RABGAP1L: variants seen among roughly 807,000 people sequenced by gnomAD.
The protein encoded by RABGAP1L is RAB GTPase activating protein 1 like.
Under a neutral mutation model 137.7 loss-of-function variants are expected in RABGAP1L, and 63 were observed. The ratio of observed to expected loss-of-function variants is 0.46; its 90% CI spans 0.37 to 0.56. The LOEUF is 0.56. Ranked by LOEUF, RABGAP1L falls within the 20% of genes least tolerant of loss-of-function variation. RABGAP1L has a pLI of 0.00. For missense variants in RABGAP1L, 1,095 were observed against 1,244.0 expected, an observed-to-expected ratio of 0.88 and a Z score of 1.80; for synonymous variants, 431 against 433.7, an observed-to-expected ratio of 0.99 and a Z score of 0.08.
rs1484152878 is a variant in RABGAP1L at position 174,463,205 on chromosome 1, G to A, written c.1710+69060G>A. Among the ~76,000 whole-genome samples, 49 of 152,036 alleles carry A rather than the reference G, an allele frequency of 3.2e-4. No homozygotes were observed. The South Asian group carries it at 5.2e-3, about 16-fold the overall frequency. ...ATAAATCATGCTGCTATAAAGACAC[G>A]TGCACACGTATGTTTATTGCGGCAC... On this transcript the variant is annotated intron_variant, in intron 13 of 25. Transcript: ENST00000681986.
chr1:174,731,736 C>G (rs1682494428), intron 17 of RABGAP1L, among the ~76,000 whole-genome samples: 1 of 152,188 alleles, frequency 6.6e-6, no homozygotes, highest in Admixed American at 6.5e-5. Context: ...TAGGCATATT[C>G]TGTAAATGCT....
At chr1:174,533,126 C>T (rs56391203) in intron 13 of RABGAP1L, among the ~76,000 whole-genome samples, 3,411 of 152,172 alleles carry the variant, frequency 0.022, 59 homozygotes, top group Middle Eastern at 0.088. Context: ...CCCACCTAGT[C>T]GGGAGACTGA....
chr1:174,616,659 C>G (rs79010548), intron 13 of RABGAP1L, among the ~76,000 whole-genome samples: 3,435 of 152,234 alleles, frequency 0.023, 61 homozygotes, highest in Middle Eastern at 0.085. Context: ...ATTTGTATGT[C>G]AGCTTAGTGA....
chr1:174,214,341 C>T (rs898574269), intron 1 of RABGAP1L, among the ~76,000 whole-genome samples: 6 of 152,066 alleles, frequency 3.9e-5, no homozygotes, highest in Admixed American at 6.6e-5. Flanking sequence ...TCAGAGAAGA[C>T]ACAACATTGG....
In RABGAP1L at chr1:174,993,491, A is replaced by G. The variant is rs1672187635; in HGVS notation, c.*3490A>G. On this transcript the variant is annotated 3_prime_UTR_variant, in exon 26 of 26. Transcript: ENST00000681986. ...TTTCCAGTTAATAACTAGTTGCTTT[A>G]TTTCCTAGCTGAAGTGAGAAAACCA... is the stretch of plus-strand genomic sequence containing the variant. The G allele has an allele frequency of 6.6e-6, 1 of 152,166 alleles. No homozygotes were observed. The highest frequency in any genetic ancestry group is 2.4e-5 in the African/African-American group (1 of 41,430). 9.4% of individuals were successfully genotyped at this position (152,166 alleles called of 1,614,324 possible).
chr1:174,180,780 A>G (rs781176368), intron 1 of RABGAP1L, among the ~76,000 whole-genome samples: 69 of 152,272 alleles, frequency 4.5e-4, no homozygotes, highest in Non-Finnish European at 8.1e-4. Context: ...TTTTACTTTT[A>G]TTTTGTGAAA....
intron 13 of RABGAP1L, among the ~76,000 whole-genome samples, chr1:174,622,946 A>C (rs1014568049): frequency 1.3e-5 from 2 of 152,272 alleles, no homozygotes; most frequent in East Asian, 1.9e-4. Flanking sequence ...TTTTCTTTGA[A>C]GTTTCAGGTG....
intron 13 of RABGAP1L, among the ~76,000 whole-genome samples, chr1:174,486,677 T>A (rs752270389): frequency 1.7e-4 from 26 of 152,118 alleles, no homozygotes; most frequent in Non-Finnish European, 3.7e-4. Flanking sequence ...TCTTTTCTTC[T>A]AATTTTGAGT....
intron 14 of RABGAP1L, among the ~76,000 whole-genome samples, chr1:174,675,794 C>T (rs1180695686): frequency 6.6e-6 from 1 of 152,182 alleles, no homozygotes; most frequent in African/African-American, 2.4e-5. Context: ...TTAAAAGCCC[C>T]TGTAGCTCTC....
In RABGAP1L at chr1:174,990,127, TCTCA is replaced by T; in HGVS notation, c.*130_*133del. The T allele has an allele frequency of 8.4e-7, 1 of 1,184,436 alleles. No individual in the cohort carries two copies. The highest frequency in any genetic ancestry group is 2.8e-5 in the Admixed American group (1 of 35,834). 73.4% of individuals were successfully genotyped at this position (1,184,436 alleles called of 1,614,324 possible). ...AAACAAGCCAGAATTTTTCAGTAGC[TCTCA>T]CTCTTTCTTGTATGACACTTTTCAA... On this transcript the variant is annotated 3_prime_UTR_variant, in exon 26 of 26. Transcript: ENST00000681986.
chr1:174,778,661 C>A (rs1686722706), intron 18 of RABGAP1L, among the ~76,000 whole-genome samples: 1 of 151,962 alleles, frequency 6.6e-6, no homozygotes, highest in Non-Finnish European at 1.5e-5. Flanking sequence ...ATGGCGTGAT[C>A]TCAGCTCACT....
intron 18 of RABGAP1L, among the ~76,000 whole-genome samples, chr1:174,793,701 C>CT (rs369193289): frequency 6.7e-5 from 10 of 148,810 alleles, no homozygotes; most frequent in East Asian, 2.0e-4. Context: ...AAAATCAAGA[C>CT]TTTTTTTTTT....
intron 12 of RABGAP1L, among the ~76,000 whole-genome samples, chr1:174,383,510 C>G (rs1013296728): frequency 1.8e-4 from 27 of 152,156 alleles, no homozygotes; most frequent in East Asian, 5.8e-4. Context: ...TTTTTTAAGC[C>G]GGTCTGGAAA....
rs1676780163 is a variant in RABGAP1L at position 174,666,304 on chromosome 1, T to C, written c.1825-17218T>C. Among the ~76,000 whole-genome samples the C allele has an allele frequency of 3.9e-5, 6 of 152,230 alleles. No homozygotes were observed. In the South Asian group the frequency reaches 1.2e-3, roughly 31 times the overall value. ...GTTATAGATGAAACAGTTTGTCTAA[T>C]AAATGGCAAATTGCTATTACGTAAA... On this transcript the variant is annotated intron_variant, in intron 14 of 25. Transcript: ENST00000681986.
chr1:174,343,982 G>C (rs1422224465), intron 11 of RABGAP1L, among the ~76,000 whole-genome samples: 1 of 152,100 alleles, frequency 6.6e-6, no homozygotes, highest in African/African-American at 2.4e-5. Context: ...GTAGCTGCTG[G>C]CCATTTAGGC....
intron 18 of RABGAP1L, among the ~76,000 whole-genome samples, chr1:174,788,054 G>C (rs1350911303): frequency 1.3e-5 from 2 of 152,210 alleles, no homozygotes; most frequent in Non-Finnish European, 2.9e-5. Context: ...AAGCTTACTA[G>C]ACCTTACATG....
At chr1:174,674,534 GCC>G (rs1404460296) in intron 14 of RABGAP1L, among the ~76,000 whole-genome samples, 12 of 151,472 alleles carry the variant, frequency 7.9e-5, no homozygotes, top group East Asian at 3.9e-4. Flanking sequence ...TGTGAATAGT[GCC>G]GCAATAAACA....
At chr1:174,840,682 G>T (rs1255426595) in intron 19 of RABGAP1L, among the ~76,000 whole-genome samples, 3 of 151,450 alleles carry the variant, frequency 2.0e-5, no homozygotes, top group African/African-American at 7.3e-5. Flanking sequence ...TGGGCGTGGT[G>T]GCAGGCACCT....
At chr1:174,975,945 C>G (rs763232060) in intron 21 of RABGAP1L, 133 bp from the exon 22 acceptor site, 3 of 762,852 alleles carry the variant, frequency 3.9e-6, no homozygotes, top group Non-Finnish European at 6.5e-6. Context: ...CTTGGTTGAG[C>G]TAGGAGGGAA....
Sources: allele counts gnomAD v4.1 joint callset (sites outside exome capture counted in the v4.1 genomes callset), GRCh38; gene constraint gnomAD v4.1.1; transcripts MANE v1.5; gene names NCBI Gene and HGNC (gene_info 2026-07-23, HGNC 2026-07-21).